The following CTNNA2 variants were observed in gnomAD, a reference collection of about 807,000 sequenced individuals.
CTNNA2 encodes catenin alpha-2.
In CTNNA2, 42 loss-of-function variants were observed where a neutral mutation model predicts 101.0. The ratio of observed to expected loss-of-function variants is 0.42; its 90% CI spans 0.32 to 0.54. The LOEUF (loss-of-function observed/expected upper bound fraction) is 0.54. Ranked by LOEUF, CTNNA2 falls within the 20% of genes least tolerant of loss-of-function variation. CTNNA2 has a pLI of 0.14. For synonymous variants in CTNNA2, 450 were observed against 456.4 expected (o/e 0.99, Z 0.18); for missense variants, 871 against 1,223.1 (o/e 0.71, Z 4.29).
chr2:79,824,803 C>CT (rs1199297562), intron 3 of CTNNA2, among the ~76,000 whole-genome samples: 1 of 152,086 alleles, frequency 6.6e-6, no homozygotes, highest in Admixed American at 6.6e-5. Context: ...AAAAGTTCCC[C>CT]TTTTTTTGGT....
intron 2 of CTNNA2, among the ~76,000 whole-genome samples, chr2:79,676,553 G>T (rs1249946344): frequency 1.3e-5 from 2 of 152,058 alleles, no homozygotes; most frequent in African/African-American, 4.8e-5. Flanking sequence ...TAGGTGATCG[G>T]CTCTGGAAGT....
intron 18 of CTNNA2, among the ~76,000 whole-genome samples, chr2:80,631,985 T>A (rs1672344490): frequency 6.6e-6 from 1 of 152,082 alleles, no homozygotes; most frequent in Admixed American, 6.5e-5. Flanking sequence ...ATAAAGTATA[T>A]TAACCAATAG....
chr2:79,870,574 T>C (rs1682510912), intron 5 of CTNNA2, among the ~76,000 whole-genome samples: 2 of 152,068 alleles, frequency 1.3e-5, no homozygotes, highest in Non-Finnish European at 2.9e-5. Flanking sequence ...GCCTCAGTAT[T>C]AGTTTGTTCT....
At chr2:79,378,944 G>A (rs1461637589) in intron 4 of CTNNA2, among the ~76,000 whole-genome samples, 3 of 152,134 alleles carry the variant, frequency 2.0e-5, no homozygotes, top group African/African-American at 7.2e-5. Flanking sequence ...GCCTAAGGCA[G>A]CAGGATCGCT....
chr2:79,193,986 T>C (rs1673925685), intron 1 of CTNNA2, among the ~76,000 whole-genome samples: 3 of 152,200 alleles, frequency 2.0e-5, no homozygotes, highest in South Asian at 4.1e-4. Flanking sequence ...TCATGGGAAA[T>C]ATTTTGCTAT....
Position 79,394,758 on chromosome 2 carries a change from G to C in CTNNA2, c.-135+20745G>C, listed in dbSNP as rs550992764. On this transcript the variant is annotated intron_variant, in intron 4 of 21. Coordinates refer to the CTNNA2 transcript ENST00000466387. ...TACATAGTTCATCAAATGTCTGATA[G>C]CAAAAGAGCTTTCGTTTTACTTAAA... Among the ~76,000 whole-genome samples the C allele has an allele frequency of 5.4e-5, 8 of 148,246 alleles. No individual in the cohort carries two copies. In the South Asian group the frequency reaches 1.7e-3, roughly 32 times the overall value.
chr2:80,249,675 C>T (rs796374993), intron 7 of CTNNA2, among the ~76,000 whole-genome samples: 12 of 152,234 alleles, frequency 7.9e-5, no homozygotes, highest in Non-Finnish European at 1.0e-4. Context: ...TCCTGTTCTG[C>T]GGGATTCTAA....
intron 6 of CTNNA2, among the ~76,000 whole-genome samples, chr2:79,894,571 A>C (rs1445951154): frequency 6.6e-6 from 1 of 152,162 alleles, no homozygotes; most frequent in Non-Finnish European, 1.5e-5. Flanking sequence ...TTTCAGGTAC[A>C]TAGTCACTGT....
chr2:79,695,024 A>ATTT, intron 2 of CTNNA2, among the ~76,000 whole-genome samples: 1 of 139,546 alleles, frequency 7.2e-6, no homozygotes, highest in South Asian at 2.3e-4. Context: ...CAAGCCTTAC[A>ATTT]TTTTTTTTTT....
chr2:79,731,099 G>T (rs1687166975), intron 2 of CTNNA2, among the ~76,000 whole-genome samples: 1 of 151,910 alleles, frequency 6.6e-6, no homozygotes, highest in Non-Finnish European at 1.5e-5. Flanking sequence ...ATCAAAATAT[G>T]GGTTTGTTTG....
intron 3 of CTNNA2, among the ~76,000 whole-genome samples, chr2:79,817,589 A>G (rs1446792743): frequency 6.6e-6 from 1 of 152,048 alleles, no homozygotes; most frequent in East Asian, 1.9e-4. Flanking sequence ...TCTTGGCACC[A>G]GGAGACCTCT....
intron 15 of CTNNA2, among the ~76,000 whole-genome samples, chr2:80,591,846 T>G (rs1038735262): frequency 1.3e-5 from 2 of 152,168 alleles, no homozygotes; most frequent in Non-Finnish European, 2.9e-5. Flanking sequence ...GGGTTCTGCC[T>G]CATTATATGT....
intron 2 of CTNNA2, among the ~76,000 whole-genome samples, chr2:79,216,773 C>A (rs1353653241): frequency 3.4e-5 from 5 of 149,108 alleles, no homozygotes; most frequent in African/African-American, 1.2e-4. Flanking sequence ...GGGGTTCTTG[C>A]CCCCAGAAAA....
chr2:79,994,982 T>C (rs189924912), intron 7 of CTNNA2, among the ~76,000 whole-genome samples: 1 of 152,238 alleles, frequency 6.6e-6, no homozygotes, highest in African/African-American at 2.4e-5. Flanking sequence ...GAAAACATAA[T>C]TGGAGCAGAG....
chr2:79,739,307 CT>C, intron 2 of CTNNA2, among the ~76,000 whole-genome samples: 1 of 152,176 alleles, frequency 6.6e-6, no homozygotes, highest in African/African-American at 2.4e-5. Context: ...TCAGTGTTTG[CT>C]TACAAAGGGG....
chr2:79,751,614 A>AAAG (rs1558897801), intron 3 of CTNNA2, among the ~76,000 whole-genome samples: 1 of 141,376 alleles, frequency 7.1e-6, no homozygotes, highest in African/African-American at 2.8e-5. Context: ...AAAAAAAAAA[A>AAAG]AGAAAGAAAG....
intron 1 of CTNNA2, among the ~76,000 whole-genome samples, chr2:79,552,491 G>A (rs1353558483): frequency 6.6e-6 from 1 of 152,168 alleles, no homozygotes; most frequent in South Asian, 2.1e-4. Context: ...CCACTAGGCA[G>A]TTCCCCAGTG....
At chr2:79,474,336 T>TAGG (rs1488147162) in intron 4 of CTNNA2, among the ~76,000 whole-genome samples, 1 of 152,170 alleles carries the variant, frequency 6.6e-6, no homozygotes, top group Non-Finnish European at 1.5e-5. Context: ...AATGAACTAT[T>TAGG]GACAAAAACA....
At chr2:80,279,316 G>T (rs1674181158) in intron 7 of CTNNA2, among the ~76,000 whole-genome samples, 1 of 152,002 alleles carries the variant, frequency 6.6e-6, no homozygotes, top group African/African-American at 2.4e-5. Context: ...GTTCTAGAGA[G>T]TTATATTTCT....
Sources: gnomAD v4.1 joint callset for allele counts (sites outside exome capture counted in the v4.1 genomes callset) on GRCh38, gnomAD v4.1.1 for gene constraint, MANE v1.5 for transcripts, NCBI Gene and HGNC (gene_info 2026-07-23, HGNC 2026-07-21) for gene names.